The following FABP12 variants were observed in gnomAD, a reference collection of about 807,000 sequenced individuals.
The protein encoded by FABP12 is fatty acid binding protein 12.
FABP12 carries 19 observed loss-of-function variants against 13.7 expected under a neutral mutation model. The observed-to-expected ratio is 1.39, with a 90% CI of 0.97 to 2.04. FABP12 has a LOEUF of 2.04. FABP12 is among the 30% of genes most tolerant of loss of function. FABP12 has a pLI of 0.00. For synonymous variants in FABP12, 61 were observed against 57.0 expected (o/e 1.07, Z -0.32); for missense variants, 182 against 164.2 (o/e 1.11, Z -0.59).
chr8:81,551,268 C>T (rs1809518549), intron 1 of FABP12, among the ~76,000 whole-genome samples: 1 of 152,088 alleles, frequency 6.6e-6, no homozygotes, highest in African/African-American at 2.4e-5. Context: ...TAATGTGAAG[C>T]TATGATTTAA....
chr8:81,539,349 TATA>T (rs1007334533), intron 2 of FABP12, among the ~76,000 whole-genome samples: 1 of 149,956 alleles, frequency 6.7e-6, no homozygotes, highest in Non-Finnish European at 1.5e-5. Flanking sequence ...GAATAATAAT[TATA>T]ATAATTATAT....
intron 1 of FABP12, among the ~76,000 whole-genome samples, chr8:81,568,770 A>T (rs1298477823): frequency 1.3e-5 from 2 of 152,254 alleles, no homozygotes; most frequent in Non-Finnish European, 1.5e-5. Context: ...AATGTAGTAC[A>T]TATACACAAT....
intron 1 of FABP12, among the ~76,000 whole-genome samples, chr8:81,554,044 C>T (rs1318808164): frequency 1.3e-5 from 2 of 152,158 alleles, no homozygotes; most frequent in African/African-American, 4.8e-5. Flanking sequence ...AATCCACCCC[C>T]TTCCACTTGC....
At chr8:81,568,261 G>T (rs1348474122) in intron 1 of FABP12, among the ~76,000 whole-genome samples, 1 of 151,480 alleles carries the variant, frequency 6.6e-6, no homozygotes, top group African/African-American at 2.4e-5. Context: ...TATAGAAGAA[G>T]CTCAAACAAC....
At chr8:81,578,662 T>G (rs1371289433) in intron 1 of FABP12, among the ~76,000 whole-genome samples, 1 of 150,422 alleles carries the variant, frequency 6.6e-6, no homozygotes, top group Non-Finnish European at 1.5e-5. Flanking sequence ...ATTTTTGTAG[T>G]TTTAGTAGAG....
chr8:81,587,312 T>C (rs1810254990), intron 1 of FABP12, among the ~76,000 whole-genome samples: 1 of 152,220 alleles, frequency 6.6e-6, no homozygotes, highest in African/African-American at 2.4e-5. Flanking sequence ...AAGAATATTT[T>C]TTCAATTTTG....
chr8:81,531,313 C>A (rs2129950429), exon 2 of FABP12: 1 of 1,598,910 alleles, frequency 6.3e-7, no homozygotes, highest in Non-Finnish European at 8.5e-7. Flanking sequence ...GCTGGTCAAT[C>A]ATTCTGTCTG....
At chr8:81,537,868 T>A (rs578015892), upstream of FABP12, among the ~76,000 whole-genome samples, 2 of 152,254 alleles carry the variant, frequency 1.3e-5, no homozygotes, top group African/African-American at 4.8e-5. Flanking sequence ...CTTCACACAG[T>A]TCAACTTTTT....
chr8:81,562,274 G>C (rs1000817710), intron 1 of FABP12, among the ~76,000 whole-genome samples: 1 of 152,164 alleles, frequency 6.6e-6, no homozygotes, highest in Non-Finnish European at 1.5e-5. Flanking sequence ...GTGGTACCCC[G>C]GCAGTATCAC....
chr8:81,529,642 TTG>T, intron 2 of FABP12, 32 bp from the exon 3 acceptor site: 2 of 1,579,698 alleles, frequency 1.3e-6, no homozygotes, highest in Non-Finnish European at 1.7e-6. Context: ...TATTATCTTT[TTG>T]CATAAAGAAT....
chr8:81,567,615 T>C (rs1383595646), intron 1 of FABP12, among the ~76,000 whole-genome samples: 1 of 152,206 alleles, frequency 6.6e-6, no homozygotes, highest in African/African-American at 2.4e-5. Context: ...TGCAGAAGAA[T>C]GAAACTAGAC....
chr8:81,526,700 T>C (rs1453758763), intron 4 of FABP12, among the ~76,000 whole-genome samples: 1 of 152,178 alleles, frequency 6.6e-6, no homozygotes, highest in East Asian at 1.9e-4. Flanking sequence ...AAGTTAATCC[T>C]GGAGTGGAGT....
chr8:81,588,121 G>T (rs1001460242), intron 1 of FABP12, among the ~76,000 whole-genome samples: 2 of 152,132 alleles, frequency 1.3e-5, no homozygotes, highest in Admixed American at 6.5e-5. Context: ...GGGTGTGTCT[G>T]CCTCTCCCAG....
At chr8:81,533,515 T>G (rs971573740) in intron 1 of FABP12, among the ~76,000 whole-genome samples, 3 of 152,160 alleles carry the variant, frequency 2.0e-5, no homozygotes, top group Non-Finnish European at 2.9e-5. Context: ...GTCCTCCACA[T>G]GAAATAGGGA....
intron 1 of FABP12, among the ~76,000 whole-genome samples, chr8:81,558,351 G>A (rs193211427): frequency 1.0e-3 from 159 of 152,238 alleles, no homozygotes; most frequent in Admixed American, 3.1e-3. Flanking sequence ...CTTAGGTAAC[G>A]GATTTTGAGC....
intron 1 of FABP12, among the ~76,000 whole-genome samples, chr8:81,550,679 A>G (rs1424504680): frequency 1.3e-5 from 2 of 152,192 alleles, no homozygotes; most frequent in Non-Finnish European, 2.9e-5. Flanking sequence ...TGTAAGCTCT[A>G]TTAAAAGTAC....
chr8:81,554,609 C>G, intron 1 of FABP12, among the ~76,000 whole-genome samples: 1 of 152,150 alleles, frequency 6.6e-6, no homozygotes, highest in East Asian at 1.9e-4. Flanking sequence ...TCATCCTGCC[C>G]TACTCACAGT....
At chr8:81,551,930 T>C (rs940146176) in intron 1 of FABP12, among the ~76,000 whole-genome samples, 3 of 152,062 alleles carry the variant, frequency 2.0e-5, no homozygotes, top group Non-Finnish European at 4.4e-5. Context: ...TATTTAAGGG[T>C]CTAGTCGGGG....
intron 1 of FABP12, among the ~76,000 whole-genome samples, chr8:81,556,404 GAAAA>G (rs1479830112): frequency 3.3e-5 from 5 of 152,118 alleles, no homozygotes; most frequent in African/African-American, 2.4e-5. Context: ...TACAGGGACA[GAAAA>G]CTCATTACCA....
Sources: allele counts gnomAD v4.1 joint callset (sites outside exome capture counted in the v4.1 genomes callset), GRCh38; gene constraint gnomAD v4.1.1; transcripts MANE v1.5; gene names NCBI Gene and HGNC (gene_info 2026-07-23, HGNC 2026-07-21).